DPP10: variants seen among roughly 807,000 people sequenced by gnomAD.
The protein encoded by DPP10 is inactive dipeptidyl peptidase 10.
In DPP10, 33 loss-of-function variants were observed where a neutral mutation model predicts 120.9. The observed-to-expected ratio is 0.27, with a 90% CI of 0.21 to 0.37. The LOEUF is 0.37. DPP10 is among the 10% of genes least tolerant of loss of function. The pLI is 1.00. For missense variants in DPP10, 816 were observed against 942.8 expected (o/e 0.87, Z 1.76); for synonymous variants, 337 against 326.1 (o/e 1.03, Z -0.36).
chr2:115,815,646 A>G lies in DPP10; in HGVS notation c.1896-29A>G, dbSNP rs533661626. The G allele has an allele frequency of 7.6e-6, 12 of 1,583,306 alleles. No individual in the cohort carries two copies. The African/African-American group carries it at 8.1e-5, about 11-fold the overall frequency. ...ATATTTGCATTTAACTCACAAAGAT[A>G]TAACTATTGTTTTTCGTTTTCATTG... is the stretch of plus-strand genomic sequence containing the variant. On this transcript the variant is annotated intron_variant, in intron 20 of 25. Coordinates refer to ENST00000410059, the MANE Select transcript of DPP10 (RefSeq NM_020868.6).
At chr2:114,840,995 G>A (rs1688113933) in intron 1 of DPP10, among the ~76,000 whole-genome samples, 1 of 152,010 alleles carries the variant, frequency 6.6e-6, no homozygotes, top group Non-Finnish European at 1.5e-5. Flanking sequence ...CAGGGAGCAG[G>A]GTATGTGCCA....
intron 3 of DPP10, among the ~76,000 whole-genome samples, chr2:115,425,071 G>T (rs979269048): frequency 1.1e-4 from 16 of 152,242 alleles, no homozygotes; most frequent in African/African-American, 3.9e-4. Context: ...ATTAATCAGT[G>T]AACAAGTTCA....
chr2:115,739,893 G>C lies in DPP10; in HGVS notation c.852G>C (p.Lys284Asn). ...YPKGKQYPYP[K>N]AGQVNPTIKL... ...AAGGAAAGCAGTATCCGTATCCTAAGGTAAGTAACATGGAAGTACTATTTT... is the reference window on the plus strand; with the variant it reads ...AAGGAAAGCAGTATCCGTATCCTAACGTAAGTAACATGGAAGTACTATTTT... Residue 284 changes from lysine to asparagine, a missense_variant and splice_region_variant, in exon 9 of 26, where the codon AAG (lysine) becomes AAC (asparagine). By Grantham distance (94) the Lys-to-Asn change is moderately conservative. Transcript: ENST00000410059. 1 of 1,612,850 alleles carries C rather than the reference G, an allele frequency of 6.2e-7. No individual in the cohort carries two copies.
intron 5 of DPP10, among the ~76,000 whole-genome samples, chr2:115,618,829 T>C (rs1266763005): frequency 6.6e-6 from 1 of 152,020 alleles, no homozygotes; most frequent in African/African-American, 2.4e-5. Flanking sequence ...GTAGAAATCC[T>C]TTGACAATTA....
intron 17 of DPP10, among the ~76,000 whole-genome samples, chr2:115,787,345 G>A (rs761522490): frequency 3.3e-5 from 5 of 152,134 alleles, no homozygotes; most frequent in African/African-American, 4.8e-5. Flanking sequence ...CAGTAAATTA[G>A]CTGTTACAAA....
intron 1 of DPP10, among the ~76,000 whole-genome samples, chr2:114,467,634 C>T (rs1187835983): frequency 6.6e-6 from 1 of 152,174 alleles, no homozygotes; most frequent in Non-Finnish European, 1.5e-5. Flanking sequence ...GGAATCAATG[C>T]TTGTTTTTTG....
chr2:114,838,300 C>T (rs867681370), intron 1 of DPP10, among the ~76,000 whole-genome samples: 1 of 151,988 alleles, frequency 6.6e-6, no homozygotes, highest in Non-Finnish European at 1.5e-5. Context: ...ATTCTTAAGT[C>T]TTGTTTTTAT....
intron 1 of DPP10, among the ~76,000 whole-genome samples, chr2:114,774,397 A>G (rs574189053): frequency 6.8e-6 from 1 of 146,354 alleles, no homozygotes; most frequent in African/African-American, 2.5e-5. Context: ...GACCTATGAC[A>G]AAAAAAAAAG....
intron 1 of DPP10, among the ~76,000 whole-genome samples, chr2:115,097,594 T>C (rs980846158): frequency 1.3e-5 from 2 of 152,204 alleles, no homozygotes; most frequent in African/African-American, 4.8e-5. Flanking sequence ...AATACGGCAT[T>C]AATGAAATGT....
At chr2:115,407,556 C>T (rs2068612136) in intron 3 of DPP10, among the ~76,000 whole-genome samples, 1 of 151,714 alleles carries the variant, frequency 6.6e-6, no homozygotes, top group South Asian at 2.1e-4. Context: ...AGAGAAGGGA[C>T]AAACCAGGTT....
chr2:115,126,628 T>G (rs2050097299), intron 1 of DPP10, among the ~76,000 whole-genome samples: 1 of 152,214 alleles, frequency 6.6e-6, no homozygotes, highest in Admixed American at 6.5e-5. Flanking sequence ...CGGAGTTGTT[T>G]TTTACAGTGA....
At chr2:115,277,561 G>A (rs932920380) in intron 1 of DPP10, among the ~76,000 whole-genome samples, 7 of 141,828 alleles carry the variant, frequency 4.9e-5, no homozygotes, top group African/African-American at 1.8e-4. Context: ...TGTCATTTGA[G>A]TGCTTCAGTT....
At chr2:115,825,183 T>G (rs982513452) in intron 21 of DPP10, among the ~76,000 whole-genome samples, 1 of 152,254 alleles carries the variant, frequency 6.6e-6, no homozygotes, top group Non-Finnish European at 1.5e-5. Flanking sequence ...TCTTTGATTA[T>G]AAGCATGCAT....
intron 1 of DPP10, among the ~76,000 whole-genome samples, chr2:115,118,749 G>T (rs1032390343): frequency 7.4e-5 from 1 of 13,524 alleles, no homozygotes. Flanking sequence ...ACAGCTAATT[G>T]TGTGTGTGTG....
intron 8 of DPP10, among the ~76,000 whole-genome samples, chr2:115,731,697 G>A (rs1170938631): frequency 6.6e-6 from 1 of 152,126 alleles, no homozygotes; most frequent in African/African-American, 2.4e-5. Context: ...GTCCTTCACT[G>A]TTCCCCAAGA....
chr2:115,758,335 A>T (rs1479642501), intron 11 of DPP10, among the ~76,000 whole-genome samples: 1 of 152,062 alleles, frequency 6.6e-6, no homozygotes, highest in Non-Finnish European at 1.5e-5. Context: ...TAAGAAAAAA[A>T]ATCAGTTAAA....
At chr2:115,778,338 T>G (rs527657504) in intron 15 of DPP10, among the ~76,000 whole-genome samples, 1 of 152,152 alleles carries the variant, frequency 6.6e-6, no homozygotes, top group East Asian at 1.9e-4. Flanking sequence ...GCATCCTTAT[T>G]TAAATAAGGA....
chr2:114,534,375 G>C (rs1219504293), intron 1 of DPP10, among the ~76,000 whole-genome samples: 2 of 152,034 alleles, frequency 1.3e-5, no homozygotes, highest in Non-Finnish European at 1.5e-5. Flanking sequence ...CTGATATCCA[G>C]TAAACCTAGG....
At chr2:114,491,346 T>G (rs867952302) in intron 1 of DPP10, among the ~76,000 whole-genome samples, 1 of 152,172 alleles carries the variant, frequency 6.6e-6, no homozygotes, top group Admixed American at 6.5e-5. Context: ...TATTCCAAAG[T>G]GTGGGTATCT....
Sources: allele counts gnomAD v4.1 joint callset (sites outside exome capture counted in the v4.1 genomes callset), GRCh38; gene constraint gnomAD v4.1.1; transcripts MANE v1.5; gene names NCBI Gene and HGNC (gene_info 2026-07-23, HGNC 2026-07-21).